The following ARPC1B variants were observed in gnomAD, a reference collection of about 807,000 sequenced individuals.
ARPC1B encodes the protein actin-related protein 2/3 complex subunit 1B.
Under a neutral mutation model 46.0 loss-of-function variants are expected in ARPC1B, and 29 were observed. The observed-to-expected ratio is 0.63, with a 90% CI of 0.47 to 0.86. ARPC1B has a LOEUF of 0.86. Ranked by LOEUF, ARPC1B falls within the 40% of genes least tolerant of loss-of-function variation. The probability of loss-of-function intolerance (pLI) is 0.00; values close to 1 mark genes in which losing one functional copy is unlikely to be tolerated. For synonymous variants in ARPC1B, 201 were observed against 213.9 expected, an observed-to-expected ratio of 0.94 and a Z score of 0.53; for missense variants, 469 against 529.4, an observed-to-expected ratio of 0.89 and a Z score of 1.12.
chr7:99,394,698 GA>G lies in ARPC1B; in HGVS notation c.*223del, dbSNP rs57668352. 126,099 of 883,440 alleles carry G rather than the reference GA, an allele frequency of 0.14. No individual in the cohort carries two copies. Among genetic ancestry groups the G allele is most frequent in the Non-Finnish European group, 0.15 (105,532 of 681,170 alleles). The allele number at this position is 883,440 out of a possible 1,614,324, so 54.7% of individuals were successfully genotyped here. A position where few individuals can be genotyped will look rare whatever the true frequency, so the allele number is the denominator to read the frequency against. The stretch of plus-strand genomic sequence containing the variant: ...TTTTTCTTAAATGCTTTCATTTATT[GA>G]AAAAAAAAAAAAATGCCCCCAAAGC... On this transcript the variant is annotated 3_prime_UTR_variant, in exon 10 of 10. Transcript: ENST00000646101.
intron 1 of ARPC1B, among the ~76,000 whole-genome samples, chr7:99,381,305 T>C (rs904363415): frequency 2.0e-5 from 3 of 152,106 alleles, no homozygotes; most frequent in Non-Finnish European, 4.4e-5. Context: ...CATACATGTG[T>C]GCAGGCCTGC....
chr7:99,376,054 T>C (rs944157972), intron 1 of ARPC1B, among the ~76,000 whole-genome samples: 22 of 126,498 alleles, frequency 1.7e-4, no homozygotes, highest in Admixed American at 4.7e-4. Context: ...AGAGCAAGAC[T>C]CCGTCTCAAA....
chr7:99,391,307 AGC>A, intron 7 of ARPC1B, 54 bp downstream of exon 7: 4 of 1,557,404 alleles, frequency 2.6e-6, no homozygotes, highest in Non-Finnish European at 3.5e-6. Flanking sequence ...CCTCCGAGAG[AGC>A]CCAGCAACTC....
intron 1 of ARPC1B, among the ~76,000 whole-genome samples, chr7:99,375,309 G>A (rs1794002158): frequency 1.3e-5 from 2 of 152,106 alleles, no homozygotes. Context: ...AAATGAGCTG[G>A]CGTCTCCTGC....
chr7:99,388,932 AT>A (rs34650108), intron 4 of ARPC1B: 1,292 of 107,002 alleles, frequency 0.012, 6 homozygotes, highest in East Asian at 0.019. Context: ...TGCCCAGCCA[AT>A]TTTTTTTTTT....
chr7:99,386,904 C>T (rs1794407543), intron 3 of ARPC1B, 115 bp downstream of exon 3: 13 of 776,150 alleles, frequency 1.7e-5, no homozygotes, highest in Middle Eastern at 3.8e-4. Context: ...CCGTGAAACC[C>T]GGATTCAAAC....
At chr7:99,378,695 G>T (rs1307562079) in intron 1 of ARPC1B, among the ~76,000 whole-genome samples, 1 of 146,838 alleles carries the variant, frequency 6.8e-6, no homozygotes, top group Non-Finnish European at 1.5e-5. Context: ...AAATAAAAAA[G>T]AAAAAGAAAG....
chr7:99,388,117 G>A lies in ARPC1B; in HGVS notation c.248G>A (p.Gly83Asp). Residue 83 changes from glycine to aspartate, a missense_variant, in exon 4 of 10, where the codon GGC (glycine) becomes GAC (aspartate). Gly to Asp is a moderately conservative substitution (Grantham distance 94). Coordinates refer to ENST00000646101, the MANE Select transcript of ARPC1B (RefSeq NM_005720.4). Reference protein sequence around the residue: ...DRNAYVWTLKGRTWKPTLVIL... With the variant: ...DRNAYVWTLKDRTWKPTLVIL... Reference sequence around the variant, plus strand: ...AACGCCTACGTGTGGACGCTGAAGGGCCGCACATGGAAGCCCACGCTGGTC... The same window carrying A: ...AACGCCTACGTGTGGACGCTGAAGGACCGCACATGGAAGCCCACGCTGGTC... 6.2e-7 allele frequency: 1 copy of A among 1,614,178 alleles called. No individual in the cohort carries two copies. The highest frequency in any genetic ancestry group is 8.5e-7 in the Non-Finnish European group (1 of 1,180,022).
At chr7:99,377,316 T>C (rs2107922) in intron 1 of ARPC1B, 49,886 of 148,410 alleles carry the variant, frequency 0.34, 13,819 homozygotes, top group African/African-American at 0.78. Flanking sequence ...GCTTTCTTTT[T>C]TTTTTTTTTT....
chr7:99,391,477 G>A lies in ARPC1B; in HGVS notation c.783+224G>A, dbSNP rs118007017. Among the ~76,000 whole-genome samples the A allele has an allele frequency of 8.4e-3, 1,277 of 152,282 alleles. 6 individuals carry two copies. The highest frequency in any genetic ancestry group is 0.024 in the Middle Eastern group (7 of 294). ...AGTAAAGATTTGGCCAGGTGCGGTG[G>A]CTCACACTTAAAATCCCAGCACTTT... On this transcript the variant is annotated intron_variant, in intron 7 of 9. Coordinates refer to ENST00000646101, the MANE Select transcript of ARPC1B (RefSeq NM_005720.4).
In ARPC1B at chr7:99,391,102, G is replaced by A; in HGVS notation, c.707+3G>A. 1 of 1,612,870 alleles carries A rather than the reference G, an allele frequency of 6.2e-7. No individual in the cohort carries two copies. The highest frequency in any genetic ancestry group is 1.7e-5 in the Admixed American group (1 of 59,820). Reference sequence around the variant, plus strand: ...GCTGATGCCGACAAGAAGATGGCGTGAGTCGAGGCCATCCCCAGGGGAGGA... The same window carrying A: ...GCTGATGCCGACAAGAAGATGGCGTAAGTCGAGGCCATCCCCAGGGGAGGA... On this transcript the variant is annotated splice_donor_region_variant and intron_variant, in intron 6 of 9. Coordinates refer to ENST00000646101, the MANE Select transcript of ARPC1B (RefSeq NM_005720.4).
chr7:99,383,812 G>C (rs1304281315), intron 1 of ARPC1B, among the ~76,000 whole-genome samples: 1 of 152,202 alleles, frequency 6.6e-6, no homozygotes, highest in Non-Finnish European at 1.5e-5. Context: ...GGGGAGGCCT[G>C]CTCCTCAAAG....
At chr7:99,377,927 C>A (rs114859316) in intron 1 of ARPC1B, among the ~76,000 whole-genome samples, 1 of 151,912 alleles carries the variant, frequency 6.6e-6, no homozygotes, top group African/African-American at 2.4e-5. Flanking sequence ...CCACCGCACC[C>A]GTCGGTTGAT....
Position 99,392,748 on chromosome 7 carries a change from T to C in ARPC1B, c.861T>C (p.Val287=), listed in dbSNP as rs985741066. 6.5e-7 allele frequency: 1 copy of C among 1,549,414 alleles called. No homozygotes were observed. Among genetic ancestry groups the C allele is most frequent in the Non-Finnish European group, 8.7e-7 (1 of 1,146,512 alleles). Reference sequence around the variant, plus strand: ...TGAGCTTCGGCGGGCGGCTGGACGTTCCTAAGCAGAGCTCGCAGCGTGGCT... The same window carrying C: ...TGAGCTTCGGCGGGCGGCTGGACGTCCCTAAGCAGAGCTCGCAGCGTGGCT... ...GMLSFGGRLD[V]PKQSSQRGLT... Residue 287 remains valine (V), a synonymous_variant, in exon 8 of 10, where the codon GTT becomes GTC. Transcript: ENST00000646101.
At chr7:99,381,011 C>CT (rs1794200892) in intron 1 of ARPC1B, among the ~76,000 whole-genome samples, 1 of 151,986 alleles carries the variant, frequency 6.6e-6, no homozygotes. Context: ...AGTCACAGGC[C>CT]TTGAGCTTCT....
At chr7:99,394,317 C>A in intron 9 of ARPC1B, 134 bp from the exon 10 acceptor site, 11 of 1,083,868 alleles carry the variant, frequency 1.0e-5, no homozygotes, top group Non-Finnish European at 1.4e-5. Context: ...GGATTCCAAC[C>A]CAGCTGACAG....
intron 1 of ARPC1B, among the ~76,000 whole-genome samples, chr7:99,385,189 C>T (rs1794348766): frequency 6.6e-6 from 1 of 150,640 alleles, no homozygotes; most frequent in African/African-American, 2.4e-5. Context: ...CTCCTGGCCG[C>T]AAGTGATCCG....
chr7:99,388,629 C>T (rs2150894481), intron 4 of ARPC1B: 1 of 183,342 alleles, frequency 5.5e-6, no homozygotes, highest in Non-Finnish European at 1.2e-5. Flanking sequence ...CTCGCAGCCA[C>T]ATCTTGTTCC....
chr7:99,386,829 T>A (rs1157559501), intron 3 of ARPC1B, 40 bp downstream of exon 3: 1 of 1,526,896 alleles, frequency 6.5e-7, no homozygotes, highest in Admixed American at 1.7e-5. Flanking sequence ...TGAAAGGAGG[T>A]GGTGGGTTGG....
Sources: allele counts gnomAD v4.1 joint callset (sites outside exome capture counted in the v4.1 genomes callset), GRCh38; gene constraint gnomAD v4.1.1; transcripts MANE v1.5; gene names NCBI Gene and HGNC (gene_info 2026-07-23, HGNC 2026-07-21).